LRRN1: variants seen among roughly 807,000 people sequenced by gnomAD.
LRRN1 encodes the protein leucine rich repeat neuronal 1.
A neutral mutation model predicts 45.8 loss-of-function variants in LRRN1; 14 were observed. The ratio of observed to expected loss-of-function variants is 0.31; its 90% CI spans 0.20 to 0.48. The LOEUF is 0.48. LRRN1 is among the 20% of genes least tolerant of loss of function. The probability of loss-of-function intolerance (pLI) is 0.99; values close to 1 mark genes in which losing one functional copy is unlikely to be tolerated. For synonymous variants in LRRN1, 359 were observed against 330.1 expected (o/e 1.09, Z -0.95); for missense variants, 789 against 874.2 (o/e 0.90, Z 1.23).
At chr3:3,814,823 A>C (rs1692957911) in intron 1 of LRRN1, among the ~76,000 whole-genome samples, 1 of 152,160 alleles carries the variant, frequency 6.6e-6, no homozygotes, top group Non-Finnish European at 1.5e-5. Flanking sequence ...ACCAGACACC[A>C]CATCTCCTGG....
At chr3:3,813,866 C>G (rs1030811127) in intron 1 of LRRN1, among the ~76,000 whole-genome samples, 5 of 152,024 alleles carry the variant, frequency 3.3e-5, no homozygotes, top group Admixed American at 6.6e-5. Context: ...CCTCTCTTTT[C>G]CCACCCTCTT....
At position 3,845,184 on chromosome 3, in the gene LRRN1, T is replaced by C; in HGVS notation, c.543T>C (p.Val181=). Residue 181 remains valine (V), a synonymous_variant, in exon 2 of 2, where the codon GTT becomes GTC. Coordinates refer to ENST00000319331, the MANE Select transcript of LRRN1 (RefSeq NM_020873.7). This position sits in a 1 kb window ranked among gnomAD's most constrained non-coding sequence, Gnocchi z 6.5. ...RLHLNSNKLK[V]IDSRWFDSTP... is the part of the protein sequence containing the mutation. ...ACCTGAACTCCAACAAATTGAAAGT[T>C]ATTGATAGTCGCTGGTTTGATTCTA... The C allele has an allele frequency of 1.9e-6, 3 of 1,614,200 alleles. No homozygotes were observed. Among genetic ancestry groups the C allele is most frequent in the Non-Finnish European group, 2.5e-6 (3 of 1,180,030 alleles).
chr3:3,826,869 T>G (rs1693228043), intron 1 of LRRN1, among the ~76,000 whole-genome samples: 1 of 152,164 alleles, frequency 6.6e-6, no homozygotes, highest in Admixed American at 6.5e-5. Context: ...CCAAGAGGAA[T>G]AAAATACATC....
At chr3:3,839,952 T>C (rs532778274) in intron 1 of LRRN1, among the ~76,000 whole-genome samples, 1 of 152,288 alleles carries the variant, frequency 6.6e-6, no homozygotes, top group African/African-American at 2.4e-5. Flanking sequence ...TCTTTTCCAT[T>C]TGAATGCCTT....
intron 1 of LRRN1, among the ~76,000 whole-genome samples, chr3:3,811,396 T>A (rs138740267): frequency 2.6e-5 from 4 of 152,104 alleles, no homozygotes; most frequent in Non-Finnish European, 5.9e-5. Flanking sequence ...AGGCTATGAC[T>A]GAGTCTTAGG....
In LRRN1 at chr3:3,804,165, A is replaced by C. The variant is rs895808082; in HGVS notation, c.-279+4246A>C. On this transcript the variant is annotated intron_variant, in intron 1 of 1. Coordinates refer to ENST00000319331, the MANE Select transcript of LRRN1 (RefSeq NM_020873.7). The stretch of plus-strand genomic sequence containing the variant: ...GTCGGGAGTTATTAACAATTTTATC[A>C]GTTGATTGGTTGGTTAGCAAGCTAT... The C allele has an allele frequency of 3.9e-5, 6 of 152,212 alleles. No individual in the cohort carries two copies. The East Asian group carries it at 1.2e-3, about 29-fold the overall frequency. The allele number at this position is 152,212 out of a possible 1,614,324, so 9.4% of individuals were successfully genotyped here.
At chr3:3,835,182 A>G (rs1482802832) in intron 1 of LRRN1, among the ~76,000 whole-genome samples, 1 of 152,188 alleles carries the variant, frequency 6.6e-6, no homozygotes, top group Non-Finnish European at 1.5e-5. Flanking sequence ...TTAAGTTGAA[A>G]ATATCATTAT....
intron 1 of LRRN1, among the ~76,000 whole-genome samples, chr3:3,813,771 A>C (rs1450529650): frequency 6.6e-6 from 1 of 152,148 alleles, no homozygotes; most frequent in Non-Finnish European, 1.5e-5. Flanking sequence ...GCTGTACAAG[A>C]GGAGAGAGAA....
chr3:3,804,199 C>G (rs902409934), intron 1 of LRRN1: 1 of 152,166 alleles, frequency 6.6e-6, no homozygotes, highest in Non-Finnish European at 1.5e-5. Context: ...ATTATCCAGT[C>G]GTAGCTGGAT....
At chr3:3,835,717 T>C (rs906017279) in intron 1 of LRRN1, among the ~76,000 whole-genome samples, 1 of 151,910 alleles carries the variant, frequency 6.6e-6, no homozygotes, top group African/African-American at 2.4e-5. Flanking sequence ...CACCGAATAA[T>C]GTCATTCTGT....
At chr3:3,814,456 C>G (rs1456807742) in intron 1 of LRRN1, among the ~76,000 whole-genome samples, 1 of 151,906 alleles carries the variant, frequency 6.6e-6, no homozygotes, top group African/African-American at 2.4e-5. Context: ...TGCGGTAGCT[C>G]ACTCAGGGTT....
intron 1 of LRRN1, among the ~76,000 whole-genome samples, chr3:3,814,635 T>A (rs368435912): frequency 6.6e-6 from 1 of 152,190 alleles, no homozygotes; most frequent in African/African-American, 2.4e-5. Flanking sequence ...TCTGCCCTCA[T>A]GAATGGACTA....
chr3:3,835,275 T>C (rs1365103851), intron 1 of LRRN1, among the ~76,000 whole-genome samples: 1 of 152,230 alleles, frequency 6.6e-6, no homozygotes, highest in Admixed American at 6.5e-5. Context: ...ATTAGTTTTA[T>C]TGGGCAAAAT....
chr3:3,838,997 C>A (rs1382612760), intron 1 of LRRN1, among the ~76,000 whole-genome samples: 1 of 151,962 alleles, frequency 6.6e-6, no homozygotes, highest in Non-Finnish European at 1.5e-5. Context: ...GATGCACAGA[C>A]CTTAAGTTTG....
intron 1 of LRRN1, among the ~76,000 whole-genome samples, chr3:3,824,765 T>A (rs1388284909): frequency 2.6e-5 from 4 of 152,184 alleles, no homozygotes; most frequent in Non-Finnish European, 5.9e-5. Flanking sequence ...TGGCAAAGAA[T>A]ATGAATTTAA....
chr3:3,844,813 T>G lies in LRRN1; in HGVS notation c.172T>G (p.Cys58Gly), dbSNP rs1197391338. Reference protein sequence around the residue: ...STYREATTVDCNDLRLTRIPS... With the variant: ...STYREATTVDGNDLRLTRIPS... ...TTACAGAGAAGCCACCACTGTTGAT[T>G]GCAATGACCTCCGCTTAACAAGGAT... The change falls in exon 2 of 2, where the codon TGC (cysteine) becomes GGC (glycine). Residue 58 changes from cysteine to glycine, a missense_variant. Physicochemically the swap from Cys to Gly is radical, Grantham distance 159 (BLOSUM62 -3). Coordinates refer to ENST00000319331, the MANE Select transcript of LRRN1 (RefSeq NM_020873.7). 1 of 1,614,172 alleles carries G rather than the reference T, an allele frequency of 6.2e-7. No homozygotes were observed. Among genetic ancestry groups the G allele is most frequent in the Non-Finnish European group, 8.5e-7 (1 of 1,180,010 alleles).
chr3:3,845,631 C>T lies in LRRN1; in HGVS notation c.990C>T (p.Arg330=). 6.2e-7 allele frequency: 1 copy of T among 1,614,086 alleles called. No homozygotes were observed. Among genetic ancestry groups the T allele is most frequent in the South Asian group, 1.1e-5 (1 of 91,080 alleles). ...TNNPKLSYIH[R]LAFRSVPALE... is the part of the protein sequence containing the mutation. ...ACCCTAAACTCTCTTACATCCACCGCTTGGCTTTCCGAAGTGTCCCTGCTC... is the reference window on the plus strand; with the variant it reads ...ACCCTAAACTCTCTTACATCCACCGTTTGGCTTTCCGAAGTGTCCCTGCTC... The change falls in exon 2 of 2, where the codon CGC becomes CGT. Residue 330 remains arginine (R), a synonymous_variant. Coordinates refer to ENST00000319331, the MANE Select transcript of LRRN1 (RefSeq NM_020873.7). This position sits in a 1 kb window ranked among gnomAD's most constrained non-coding sequence, Gnocchi z 6.5.
At chr3:3,812,342 C>G (rs574894453) in intron 1 of LRRN1, among the ~76,000 whole-genome samples, 1 of 152,282 alleles carries the variant, frequency 6.6e-6, no homozygotes, top group South Asian at 2.1e-4. Context: ...TCCTAAAGAA[C>G]TGACACTTAT....
chr3:3,827,534 G>A (rs1693250921), intron 1 of LRRN1: 1 of 455,678 alleles, frequency 2.2e-6, no homozygotes, highest in Admixed American at 2.4e-5. Flanking sequence ...GGAAATCTTG[G>A]TTGAACAAAA....
Sources: gnomAD v4.1 joint callset for allele counts (sites outside exome capture counted in the v4.1 genomes callset) on GRCh38, gnomAD v4.1.1 for gene constraint, Gnocchi (gnomAD v3.1) non-coding constraint, MANE v1.5 for transcripts, NCBI Gene and HGNC (gene_info 2026-07-23, HGNC 2026-07-21) for gene names.